MYC: variants seen among roughly 807,000 people sequenced by gnomAD.
MYC encodes MYC proto-oncogene, bHLH transcription factor, also known as myc proto-oncogene protein.
In MYC, 1 loss-of-function variant was observed where a neutral mutation model predicts 30.5. The observed-to-expected ratio is 0.03, with a 90% CI of 0.01 to 0.16. The LOEUF (loss-of-function observed/expected upper bound fraction) is 0.16. Ranked by LOEUF, MYC falls within the 10% of genes least tolerant of loss-of-function variation. The pLI, the probability that MYC is intolerant of heterozygous loss-of-function variation, is 1.00. For synonymous variants in MYC, 267 were observed against 250.7 expected, an observed-to-expected ratio of 1.07 and a Z score of -0.62; for missense variants, 508 against 589.0, an observed-to-expected ratio of 0.86 and a Z score of 1.42.
rs544792311 is a variant in MYC at position 127,738,906 on chromosome 8, C to T, written c.689C>T (p.Ala230Val). The T allele has an allele frequency of 1.3e-5, 21 of 1,611,052 alleles. No individual in the cohort carries two copies. The South Asian group carries it at 1.6e-4, about 13-fold the overall frequency. ...TCCTGCGCCTCGCAAGACTCCAGCG[C>T]CTTCTCTCCGTCCTCGGATTCTCTG... The change falls in exon 2 of 3, where the codon GCC (alanine) becomes GTC (valine). Residue 230 changes from alanine (A) to valine (V), a missense_variant. By Grantham distance (64) the Ala-to-Val change is moderately conservative. Transcript: ENST00000621592. The surrounding 1 kb of genome is among the most constrained non-coding windows in gnomAD (Gnocchi z 7.6).
chr8:127,740,790 G>A lies in MYC; in HGVS notation c.1197G>A (p.Leu399=). ...CCCTGCGTGACCAGATCCCGGAGTT[G>A]GAAAACAATGAAAAGGCCCCCAAGG... The change falls in exon 3 of 3, where the codon TTG becomes TTA. Residue 399 remains leucine (L), a synonymous_variant. Coordinates refer to ENST00000621592, the MANE Select transcript of MYC (RefSeq NM_002467.6). 1 of 1,613,958 alleles carries A rather than the reference G, an allele frequency of 6.2e-7. No homozygotes were observed. The highest frequency in any genetic ancestry group is 8.5e-7 in the Non-Finnish European group (1 of 1,180,006).
rs777230092 is a variant in MYC, at chr8:127,740,718, C to T, written c.1125C>T (p.Asn375=). 18 of 1,614,068 alleles carry T rather than the reference C, an allele frequency of 1.1e-5. No homozygotes were observed. The South Asian group carries it at 1.2e-4, about 11-fold the overall frequency. The change falls in exon 3 of 3, where the codon AAC becomes AAT. Residue 375 remains asparagine (N), a synonymous_variant. Transcript: ENST00000621592. ...AGAATGTCAAGAGGCGAACACACAACGTCTTGGAGCGCCAGAGGAGGAACG... is the reference window on the plus strand; with the variant it reads ...AGAATGTCAAGAGGCGAACACACAATGTCTTGGAGCGCCAGAGGAGGAACG...
chr8:127,740,883 T>C lies in MYC; in HGVS notation c.1290T>C (p.Ser430=), dbSNP rs780551705. ...AAGCAGAGGAGCAAAAGCTCATTTCTGAAGAGGACTTGTTGCGGAAACGAC... is the reference window on the plus strand; with the variant it reads ...AAGCAGAGGAGCAAAAGCTCATTTCCGAAGAGGACTTGTTGCGGAAACGAC... The change falls in exon 3 of 3, where the codon TCT becomes TCC. Residue 430 remains serine (S), a synonymous_variant. Transcript: ENST00000621592. 3 of 1,610,564 alleles carry C rather than the reference T, an allele frequency of 1.9e-6. No individual in the cohort carries two copies. Among genetic ancestry groups the C allele is most frequent in the South Asian group, 2.2e-5 (2 of 90,738 alleles).
At chr8:127,737,785 AG>A (rs1813624647) in intron 1 of MYC, among the ~76,000 whole-genome samples, 1 of 151,986 alleles carries the variant, frequency 6.6e-6, no homozygotes, top group Non-Finnish European at 1.5e-5. Flanking sequence ...GCCGCAGCGG[AG>A]GGGCCCCGGC....
rs1388324174 is a variant in MYC, at chr8:127,741,015, A to C, written c.*57A>C. ...GAAATGTCCTGAGCAATCACCTATG[A>C]ACTTGTTTCAAATGCATGATCAAAT... On this transcript the variant is annotated 3_prime_UTR_variant, in exon 3 of 3. Coordinates refer to ENST00000621592, the MANE Select transcript of MYC (RefSeq NM_002467.6). The C allele has an allele frequency of 6.9e-7, 1 of 1,455,554 alleles. No homozygotes were observed. 90.2% of individuals were successfully genotyped at this position (1,455,554 alleles called of 1,614,324 possible).
chr8:127,735,457 C>G (rs1403478952), upstream of MYC: 1 of 399,344 alleles, frequency 2.5e-6, no homozygotes, highest in African/African-American at 2.1e-5. Flanking sequence ...AACGCGCTCT[C>G]CAAGTATACG....
intron 2 of MYC, among the ~76,000 whole-genome samples, chr8:127,739,656 ATTTT>A (rs5894898): frequency 6.8e-6 from 1 of 148,000 alleles, no homozygotes; most frequent in Non-Finnish European, 1.5e-5. Flanking sequence ...CAAAACTGCA[ATTTT>A]TTTTTTTTTA....
chr8:127,736,426 A>G lies in MYC; in HGVS notation c.-168A>G. ...GTCCGCAACCCTTGCCGCATCCACG[A>G]AACTTTGCCCATAGCAGCGGGCGGG... On this transcript the variant is annotated 5_prime_UTR_variant, in exon 1 of 3. Coordinates refer to ENST00000621592, the MANE Select transcript of MYC (RefSeq NM_002467.6). 2 of 699,530 alleles carry G rather than the reference A, an allele frequency of 2.9e-6. No individual in the cohort carries two copies. The highest frequency in any genetic ancestry group is 3.7e-5 in the South Asian group (2 of 54,706). 43.3% of individuals were successfully genotyped at this position (699,530 alleles called of 1,614,324 possible). A position where few individuals can be genotyped will look rare whatever the true frequency, so the allele number is the denominator to read the frequency against.
In MYC at chr8:127,740,411, A is replaced by T; in HGVS notation, c.818A>T (p.Asp273Val). ...TTTCTTAAAGAGGAGGAACAAGAAGATGAGGAAGAAATCGATGTTGTTTCT... is the reference window on the plus strand; with the variant it reads ...TTTCTTAAAGAGGAGGAACAAGAAGTTGAGGAAGAAATCGATGTTGTTTCT... The change falls in exon 3 of 3, where the codon GAT becomes GTT. Residue 273 changes from aspartate (D) to valine (V), a missense_variant. Physicochemically the swap from Asp to Val is radical, Grantham distance 152 (BLOSUM62 -3). This residue lies in a region of MYC where 364 missense variants were observed against 381.1 expected (regional missense o/e 0.96). Coordinates refer to ENST00000621592, the MANE Select transcript of MYC (RefSeq NM_002467.6). The T allele has an allele frequency of 6.2e-7, 1 of 1,613,642 alleles. No homozygotes were observed. The highest frequency in any genetic ancestry group is 1.1e-5 in the South Asian group (1 of 91,060).
rs893110546 is a variant in MYC at position 127,740,615 on chromosome 8, A to G, written c.1022A>G (p.Lys341Arg). Residue 341 changes from lysine to arginine, a missense_variant, in exon 3 of 3, where the codon AAG becomes AGG. Physicochemically the swap from Lys to Arg is conservative, Grantham distance 26 (BLOSUM62 2). This residue lies in a region of MYC where 364 missense variants were observed against 381.1 expected (regional missense o/e 0.96). Coordinates refer to ENST00000621592, the MANE Select transcript of MYC (RefSeq NM_002467.6). ...GACTATCCTGCTGCCAAGAGGGTCA[A>G]GTTGGACAGTGTCAGAGTCCTGAGA... is the stretch of plus-strand genomic sequence containing the variant. The G allele has an allele frequency of 2.5e-6, 4 of 1,613,960 alleles. No individual in the cohort carries two copies. The highest frequency in any genetic ancestry group is 3.4e-6 in the Non-Finnish European group (4 of 1,180,024).
In MYC at chr8:127,738,343, G is replaced by C; in HGVS notation, c.126G>C (p.Glu42Asp). 1 of 1,613,872 alleles carries C rather than the reference G, an allele frequency of 6.2e-7. No individual in the cohort carries two copies. Among genetic ancestry groups the C allele is most frequent in the Non-Finnish European group, 8.5e-7 (1 of 1,179,770 alleles). Reference sequence around the variant, plus strand: ...TGCAGCCGTATTTCTACTGCGACGAGGAGGAGAACTTCTACCAGCAGCAGC... The same window carrying C: ...TGCAGCCGTATTTCTACTGCGACGACGAGGAGAACTTCTACCAGCAGCAGC... Residue 42 changes from glutamate (E) to aspartate (D), a missense_variant, in exon 2 of 3, where the codon GAG becomes GAC. Physicochemically the swap from Glu to Asp is conservative, Grantham distance 45. Around this residue, in one of 5 missense-constraint regions of MYC, gnomAD observed 70 missense variants for 84.5 expected, o/e 0.83. Coordinates refer to ENST00000621592, the MANE Select transcript of MYC (RefSeq NM_002467.6). The surrounding 1 kb of genome is among the most constrained non-coding windows in gnomAD (Gnocchi z 7.6).
intron 2 of MYC, 100 bp from the exon 3 acceptor site, chr8:127,740,296 C>T: frequency 3.2e-6 from 4 of 1,258,012 alleles, no homozygotes; most frequent in Admixed American, 2.4e-5. Flanking sequence ...AGAGACCTTT[C>T]TAACGTATTC....
intron 1 of MYC, among the ~76,000 whole-genome samples, chr8:127,737,190 T>C (rs2130086888): frequency 6.6e-6 from 1 of 152,270 alleles, no homozygotes; most frequent in East Asian, 1.9e-4. Flanking sequence ...GCCCTGATCC[T>C]TTTAAGAAGT....
rs1174781741 is a variant in MYC at position 127,738,828 on chromosome 8, T to C, written c.611T>C (p.Ile204Thr). The C allele has an allele frequency of 8.7e-6, 14 of 1,611,152 alleles. No homozygotes were observed. Among genetic ancestry groups the C allele is most frequent in the Non-Finnish European group, 1.1e-5 (13 of 1,178,994 alleles). Residue 204 changes from isoleucine to threonine, a missense_variant, in exon 2 of 3, where the codon ATC becomes ACC. Physicochemically the swap from Ile to Thr is moderately conservative, Grantham distance 89. Around this residue, in one of 5 missense-constraint regions of MYC, gnomAD observed 364 missense variants for 381.1 expected, o/e 0.96. Transcript: ENST00000621592. The surrounding 1 kb of genome is among the most constrained non-coding windows in gnomAD (Gnocchi z 7.6). ...CTGAGCGCCGCCGCCTCAGAGTGCA[T>C]CGACCCCTCGGTGGTCTTCCCCTAC...
At chr8:127,736,959 G>T (rs565949521) in intron 1 of MYC, among the ~76,000 whole-genome samples, 1 of 152,238 alleles carries the variant, frequency 6.6e-6, no homozygotes, top group East Asian at 1.9e-4. Flanking sequence ...CTGGGTTTTG[G>T]GGGGCTGGGG....
At position 127,740,320 on chromosome 8, in the gene MYC, G is replaced by A. The variant is rs1813688215; in HGVS notation, c.803-76G>A. 4.2e-6 allele frequency: 6 copies of A among 1,417,540 alleles called. No homozygotes were observed. The East Asian group carries it at 1.4e-4, about 34-fold the overall frequency. 87.8% of individuals were successfully genotyped at this position (1,417,540 alleles called of 1,614,324 possible). The stretch of plus-strand genomic sequence containing the variant: ...TCTAACGTATTCATGCCTTGTATTT[G>A]TACAGCATTAATCTGGTAATTGATT... On this transcript the variant is annotated intron_variant, in intron 2 of 2. Coordinates refer to ENST00000621592, the MANE Select transcript of MYC (RefSeq NM_002467.6).
chr8:127,740,427 T>C lies in MYC; in HGVS notation c.834T>C (p.Asp278=), dbSNP rs1274979219. 2 of 1,613,912 alleles carry C rather than the reference T, an allele frequency of 1.2e-6. No homozygotes were observed. The highest frequency in any genetic ancestry group is 1.7e-5 in the Admixed American group (1 of 59,996). Residue 278 remains aspartate, a synonymous_variant, in exon 3 of 3, where the codon GAT becomes GAC. Coordinates refer to ENST00000621592, the MANE Select transcript of MYC (RefSeq NM_002467.6). ...AACAAGAAGATGAGGAAGAAATCGA[T>C]GTTGTTTCTGTGGAAAAGAGGCAGG...
chr8:127,740,923 C>T lies in MYC; in HGVS notation c.1330C>T (p.His444Tyr), dbSNP rs370767192. The change falls in exon 3 of 3, where the codon CAC becomes TAC. Residue 444 changes from histidine to tyrosine, a missense_variant. By Grantham distance (83) the His-to-Tyr change is moderately conservative. This residue lies in a region of MYC where 31 missense variants were observed against 28.3 expected (regional missense o/e 1.09). Coordinates refer to ENST00000621592, the MANE Select transcript of MYC (RefSeq NM_002467.6). The stretch of plus-strand genomic sequence containing the variant: ...GCGGAAACGACGAGAACAGTTGAAA[C>T]ACAAACTTGAACAGCTACGGAACTC... 12 of 1,592,242 alleles carry T rather than the reference C, an allele frequency of 7.5e-6. No individual in the cohort carries two copies. Among genetic ancestry groups the T allele is most frequent in the Non-Finnish European group, 9.4e-6 (11 of 1,172,176 alleles).
In MYC at chr8:127,738,349, G is replaced by C. The variant is rs745993896; in HGVS notation, c.132G>C (p.Glu44Asp). The change falls in exon 2 of 3, where the codon GAG becomes GAC. Residue 44 changes from glutamate to aspartate, a missense_variant. Physicochemically the swap from Glu to Asp is conservative, Grantham distance 45. Around this residue, in one of 5 missense-constraint regions of MYC, gnomAD observed 70 missense variants for 84.5 expected, o/e 0.83. Coordinates refer to ENST00000621592, the MANE Select transcript of MYC (RefSeq NM_002467.6). The surrounding 1 kb of genome is among the most constrained non-coding windows in gnomAD (Gnocchi z 7.6). The stretch of plus-strand genomic sequence containing the variant: ...CGTATTTCTACTGCGACGAGGAGGA[G>C]AACTTCTACCAGCAGCAGCAGCAGA... 3.1e-6 allele frequency: 5 copies of C among 1,614,040 alleles called. No homozygotes were observed. The highest frequency in any genetic ancestry group is 4.2e-6 in the Non-Finnish European group (5 of 1,180,032).
Sources: gnomAD v4.1 joint callset for allele counts (sites outside exome capture counted in the v4.1 genomes callset) on GRCh38, gnomAD v4.1.1 for gene constraint, gnomAD v4.1.1 regional missense constraint, Gnocchi (gnomAD v3.1) non-coding constraint, MANE v1.5 for transcripts, NCBI Gene and HGNC (gene_info 2026-07-23, HGNC 2026-07-21) for gene names.